LAMA2: variants seen among roughly 807,000 people sequenced by gnomAD.
LAMA2 encodes the protein laminin subunit alpha-2.
In LAMA2, 269 loss-of-function variants were observed where a neutral mutation model predicts 364.8. That is an observed-to-expected ratio of 0.74 (90% CI 0.67 to 0.82). The LOEUF is 0.82. Ranked by LOEUF, LAMA2 falls within the 40% of genes least tolerant of loss-of-function variation. LAMA2 has a pLI of 0.00. For missense variants in LAMA2, 3,807 were observed against 3,873.2 expected (o/e 0.98, Z 0.45); for synonymous variants, 1,379 against 1,370.6 (o/e 1.01, Z -0.14).
intron 2 of LAMA2, among the ~76,000 whole-genome samples, chr6:129,054,222 G>A (rs56161950): frequency 0.023 from 3,497 of 152,226 alleles, 133 homozygotes; most frequent in African/African-American, 0.08. Context: ...TCACTGAGCC[G>A]TAATCAGAAT....
At chr6:129,507,707 T>C (rs1332257095) in intron 62 of LAMA2, 65 bp downstream of exon 62, 1 of 1,499,962 alleles carries the variant, frequency 6.7e-7, no homozygotes, top group East Asian at 2.3e-5. Context: ...TTCTTGCTAG[T>C]ACCAAATAAT....
chr6:129,358,792 C>T (rs557332149), intron 32 of LAMA2, among the ~76,000 whole-genome samples: 26 of 151,832 alleles, frequency 1.7e-4, no homozygotes, highest in Middle Eastern at 3.4e-3. Context: ...CATTTTTTTC[C>T]CCAAAGACCT....
At chr6:129,266,905 A>G (rs1233232375) in intron 15 of LAMA2, among the ~76,000 whole-genome samples, 1 of 152,110 alleles carries the variant, frequency 6.6e-6, no homozygotes, top group African/African-American at 2.4e-5. Flanking sequence ...ATACCTGCCA[A>G]TAACACTAAG....
chr6:129,098,408 A>G lies in LAMA2; in HGVS notation c.632A>G (p.Asn211Ser). Residue 211 changes from asparagine to serine, a missense_variant, in exon 4 of 65, where the codon AAT becomes AGT. Physicochemically the swap from Asn to Ser is conservative, Grantham distance 46. Transcript: ENST00000421865. ...SFYSKIHPLE[N>S]GEIHISLING... The stretch of plus-strand genomic sequence containing the variant: ...TACTCCAAGATACACCCCTTAGAAA[A>G]TGGAGAGGTAAGATGAGAAAACTCA... 1 of 1,614,044 alleles carries G rather than the reference A, an allele frequency of 6.2e-7. No individual in the cohort carries two copies. The highest frequency in any genetic ancestry group is 8.5e-7 in the Non-Finnish European group (1 of 1,179,936).
chr6:129,289,028 G>A (rs539028802), intron 19 of LAMA2, among the ~76,000 whole-genome samples: 6 of 152,094 alleles, frequency 3.9e-5, no homozygotes, highest in Admixed American at 3.3e-4. Context: ...GACCCAGTAG[G>A]GTACCCTATT....
chr6:129,328,265 C>T lies in LAMA2; in HGVS notation c.4177-13C>T, dbSNP rs1480905459. The stretch of plus-strand genomic sequence containing the variant: ...CTAACTTTGCTGTCCTAATTGGCTT[C>T]CTTTTCTTTCAGGCATGCTTGCCGG... On this transcript the variant is annotated splice_polypyrimidine_tract_variant and intron_variant, in intron 28 of 64. Transcript: ENST00000421865. 3 of 1,613,542 alleles carry T rather than the reference C, an allele frequency of 1.9e-6. No individual in the cohort carries two copies. Among genetic ancestry groups the T allele is most frequent in the East Asian group, 4.5e-5 (2 of 44,874 alleles).
At chr6:129,108,460 A>G (rs892485703) in intron 4 of LAMA2, among the ~76,000 whole-genome samples, 2 of 152,228 alleles carry the variant, frequency 1.3e-5, no homozygotes, top group Admixed American at 6.5e-5. Context: ...GTCTTTAGTC[A>G]TTGCTTCTAC....
At chr6:129,315,435 A>C in intron 24 of LAMA2, 41 bp from the exon 25 acceptor site, 1 of 1,577,654 alleles carries the variant, frequency 6.3e-7, no homozygotes, top group South Asian at 1.1e-5. Context: ...AAATGTCCAA[A>C]GCGTAAATTC....
At chr6:129,006,459 TCTTC>T in intron 1 of LAMA2, among the ~76,000 whole-genome samples, 1 of 152,154 alleles carries the variant, frequency 6.6e-6, no homozygotes, top group East Asian at 1.9e-4. Context: ...ACCTCTCATC[TCTTC>T]CGTTCTTTCC....
At chr6:129,458,578 G>T (rs1783088411) in intron 48 of LAMA2, among the ~76,000 whole-genome samples, 2 of 151,898 alleles carry the variant, frequency 1.3e-5, no homozygotes, top group Admixed American at 6.6e-5. Context: ...TCACAAGTAG[G>T]ATAATCAATC....
chr6:129,088,159 C>G (rs1774509990), intron 3 of LAMA2, among the ~76,000 whole-genome samples: 1 of 140,074 alleles, frequency 7.1e-6, no homozygotes, highest in South Asian at 2.5e-4. Context: ...CGCCCTTAAT[C>G]CATTCAACCC....
rs981544812 is a variant in LAMA2 at position 129,192,682 on chromosome 6, A to G, written c.1611A>G (p.Ile537Met). The G allele has an allele frequency of 3.7e-6, 6 of 1,613,998 alleles. No individual in the cohort carries two copies. The East Asian group carries it at 1.1e-4, about 30-fold the overall frequency. Residue 537 changes from isoleucine to methionine, a missense_variant and splice_region_variant, in exon 12 of 65, where the codon ATA becomes ATG. By Grantham distance (10) the Ile-to-Met change is conservative. Coordinates refer to ENST00000421865, the MANE Select transcript of LAMA2 (RefSeq NM_000426.4). ...GATGACTGTGTGTTTTCTCTAAGAT[A>G]CAAGATATGAGTGGCTGGTATCTGA... The part of the protein sequence containing the change: ...CQSSYWTYGK[I>M]QDMSGWYLTD...
chr6:128,916,272 G>A (rs1778310664), intron 1 of LAMA2, among the ~76,000 whole-genome samples: 1 of 151,956 alleles, frequency 6.6e-6, no homozygotes, highest in Non-Finnish European at 1.5e-5. Context: ...GAGAATTGAG[G>A]CCAAAACTTT....
intron 12 of LAMA2, among the ~76,000 whole-genome samples, chr6:129,220,317 G>A (rs570938436): frequency 1.3e-5 from 2 of 152,224 alleles, no homozygotes; most frequent in South Asian, 2.1e-4. Flanking sequence ...AAAAACACTA[G>A]TGCTTACCAC....
At chr6:129,046,302 G>A (rs902580367) in intron 1 of LAMA2, among the ~76,000 whole-genome samples, 1 of 152,104 alleles carries the variant, frequency 6.6e-6, no homozygotes, top group Non-Finnish European at 1.5e-5. Context: ...ACATACCCAA[G>A]ACTGGATAAT....
chr6:129,374,237 A>G (rs1778243828), intron 34 of LAMA2, among the ~76,000 whole-genome samples: 1 of 152,222 alleles, frequency 6.6e-6, no homozygotes, highest in Non-Finnish European at 1.5e-5. Flanking sequence ...AGATGGTTTC[A>G]TTATCCAAAA....
intron 1 of LAMA2, among the ~76,000 whole-genome samples, chr6:129,038,999 C>T (rs573512761): frequency 1.3e-5 from 2 of 152,098 alleles, no homozygotes; most frequent in Non-Finnish European, 2.9e-5. Context: ...CCATATTTTT[C>T]TCAAGAAAGA....
chr6:128,971,243 C>T (rs1388686860), intron 1 of LAMA2, among the ~76,000 whole-genome samples: 1 of 152,194 alleles, frequency 6.6e-6, no homozygotes, highest in Non-Finnish European at 1.5e-5. Context: ...TGATCATTTA[C>T]AATTCTACAC....
intron 23 of LAMA2, 127 bp from the exon 24 acceptor site, chr6:129,314,528 A>C: frequency 1.3e-6 from 1 of 786,254 alleles, no homozygotes; most frequent in Non-Finnish European, 2.2e-6. Context: ...TGTGAGTCTA[A>C]TACTCAGTGT....
Sources: gnomAD v4.1 joint callset for allele counts (sites outside exome capture counted in the v4.1 genomes callset) on GRCh38, gnomAD v4.1.1 for gene constraint, MANE v1.5 for transcripts, NCBI Gene and HGNC (gene_info 2026-07-23, HGNC 2026-07-21) for gene names.